Variants in C2orf66 observed in about 807,000 individuals in gnomAD.
C2orf66 encodes the protein uncharacterized protein C2orf66.
Under a neutral mutation model 7.0 loss-of-function variants are expected in C2orf66, and 6 were observed. The observed-to-expected ratio is 0.86, with a 90% confidence interval of 0.47 to 1.69. The LOEUF is 1.69. Ranked by LOEUF, C2orf66 falls within the 40% of genes most tolerant of loss-of-function variation. The pLI is 0.01. For synonymous variants in C2orf66, 38 were observed against 43.8 expected, an observed-to-expected ratio of 0.87 and a Z score of 0.52; for missense variants, 107 against 112.0, an observed-to-expected ratio of 0.96 and a Z score of 0.20.
upstream of C2orf66, among the ~76,000 whole-genome samples, chr2:196,811,672 C>A (rs1003759135): frequency 6.6e-6 from 1 of 151,914 alleles, no homozygotes; most frequent in Non-Finnish European, 1.5e-5. Context: ...GAGATTTCCT[C>A]GTGGGGTTGG....
At chr2:196,819,308 G>A in the C2orf66 span, among the ~76,000 whole-genome samples, 12 of 152,108 alleles carry the variant, frequency 7.9e-5, no homozygotes, top group African/African-American at 2.4e-4. Context: ...GGAGCCTCTC[G>A]GAGGTGATTG....
chr2:196,821,156 C>T, the C2orf66 span, among the ~76,000 whole-genome samples: 1 of 152,172 alleles, frequency 6.6e-6, no homozygotes, highest in African/African-American at 2.4e-5. Context: ...GGAATGCCAG[C>T]AGCCAACAGA....
chr2:196,805,484 C>T (rs577464274), intron 2 of C2orf66, 76 bp from the exon 3 acceptor site: 62 of 152,232 alleles, frequency 4.1e-4, no homozygotes, highest in African/African-American at 1.5e-3. Flanking sequence ...CCCAAATCAA[C>T]ATATTTTACT....
At chr2:196,826,110 A>G in the C2orf66 span, among the ~76,000 whole-genome samples, 3 of 152,108 alleles carry the variant, frequency 2.0e-5, no homozygotes. Context: ...ATAAGCACTG[A>G]CACTTCTACT....
chr2:196,830,130 AC>A, the C2orf66 span, among the ~76,000 whole-genome samples: 2 of 152,260 alleles, frequency 1.3e-5, no homozygotes, highest in South Asian at 4.2e-4. Flanking sequence ...TTCTTTTGGC[AC>A]TTTGTAATGC....
chr2:196,807,693 C>A (rs1275888197), intron 1 of C2orf66, 71 bp from the exon 2 acceptor site: 17 of 1,275,040 alleles, frequency 1.3e-5, no homozygotes, highest in Non-Finnish European at 1.8e-5. Flanking sequence ...TTTTTCTTCC[C>A]TCTATTTTTC....
At chr2:196,810,877 A>G (rs149656691), upstream of C2orf66, among the ~76,000 whole-genome samples, 194 of 152,366 alleles carry the variant, frequency 1.3e-3, no homozygotes, top group Non-Finnish European at 2.3e-3. Context: ...CCCTCATTAA[A>G]ATAGAGTAGT....
chr2:196,809,386 A>G (rs1474486596), upstream of C2orf66: 2 of 1,609,038 alleles, frequency 1.2e-6, no homozygotes, highest in Non-Finnish European at 1.7e-6. Flanking sequence ...GTCAATGATC[A>G]TTGAGAGAGA....
upstream of C2orf66, chr2:196,809,439 C>A: frequency 6.6e-7 from 1 of 1,504,026 alleles, no homozygotes; most frequent in Non-Finnish European, 9.2e-7. Flanking sequence ...TCTGTAAAGG[C>A]AGACAAGGAA....
At chr2:196,813,458 C>G (rs746441614), upstream of C2orf66, among the ~76,000 whole-genome samples, 2 of 152,142 alleles carry the variant, frequency 1.3e-5, no homozygotes, top group African/African-American at 2.4e-5. Flanking sequence ...AACGTAAGAC[C>G]TAAAACTATA....
rs546569656 is a variant in C2orf66 at position 196,805,263 on chromosome 2, A to G, written c.*165T>C. The G allele has an allele frequency of 1.3e-5, 2 of 152,322 alleles. No individual in the cohort carries two copies. The highest frequency in any genetic ancestry group is 3.9e-4 in the East Asian group (2 of 5,194). The allele number at this position is 152,322 out of a possible 1,614,324, so 9.4% of individuals were successfully genotyped here. Reference sequence around the variant, plus strand: ...AGAAATCATAGTTCCAGCGATTTATATGTAAATATGGAAATGTGGAATAAA... The same window carrying G: ...AGAAATCATAGTTCCAGCGATTTATGTGTAAATATGGAAATGTGGAATAAA... On this transcript the variant is annotated 3_prime_UTR_variant, in exon 3 of 3. Coordinates refer to ENST00000342506, the MANE Select transcript of C2orf66 (RefSeq NM_213608.3).
At chr2:196,811,657 G>A (rs1699878396), upstream of C2orf66, among the ~76,000 whole-genome samples, 1 of 152,108 alleles carries the variant, frequency 6.6e-6, no homozygotes, top group Admixed American at 6.6e-5. Context: ...GTTAGAGGAG[G>A]CTTTGAGATT....
chr2:196,815,548 G>T, the C2orf66 span, among the ~76,000 whole-genome samples: 1 of 152,156 alleles, frequency 6.6e-6, no homozygotes, highest in Non-Finnish European at 1.5e-5. Context: ...AGGCAAAAAG[G>T]TGCTTCTGCA....
chr2:196,805,333 A>G lies in C2orf66; in HGVS notation c.*95T>C, dbSNP rs535523851. ...TAAAAGTGAGGGGGAAAGAAACTCCATGAAAGTTTAGCTATGACAATGGTT... is the reference window on the plus strand; with the variant it reads ...TAAAAGTGAGGGGGAAAGAAACTCCGTGAAAGTTTAGCTATGACAATGGTT... On this transcript the variant is annotated 3_prime_UTR_variant, in exon 3 of 3. Transcript: ENST00000342506. The G allele has an allele frequency of 1.3e-5, 2 of 152,316 alleles. No individual in the cohort carries two copies. Among genetic ancestry groups the G allele is most frequent in the East Asian group, 3.9e-4 (2 of 5,192 alleles). The allele number at this position is 152,316 out of a possible 1,614,324, so 9.4% of individuals were successfully genotyped here. A position where few individuals can be genotyped will look rare whatever the true frequency, so the allele number is the denominator to read the frequency against.
the C2orf66 span, among the ~76,000 whole-genome samples, chr2:196,817,171 G>T: frequency 1.3e-3 from 203 of 151,902 alleles, no homozygotes; most frequent in Middle Eastern, 6.9e-3. Flanking sequence ...ACAAAGCAAA[G>T]GGCAAAAGCA....
At chr2:196,822,633 AT>A in the C2orf66 span, among the ~76,000 whole-genome samples, 7 of 150,356 alleles carry the variant, frequency 4.7e-5, no homozygotes, top group African/African-American at 1.2e-4. Flanking sequence ...AGCATATTGC[AT>A]TTTTTTTTCA....
the C2orf66 span, among the ~76,000 whole-genome samples, chr2:196,815,771 A>G: frequency 1.3e-5 from 2 of 152,326 alleles, no homozygotes; most frequent in Non-Finnish European, 2.9e-5. Flanking sequence ...TTTTTAAACC[A>G]TCTATTGGAC....
chr2:196,805,565 C>T (rs983421261), intron 2 of C2orf66, among the ~76,000 whole-genome samples, 157 bp from the exon 3 acceptor site: 7 of 152,052 alleles, frequency 4.6e-5, no homozygotes, highest in Non-Finnish European at 8.8e-5. Context: ...ATGAAATATA[C>T]TCCAAATCAG....
chr2:196,824,773 T>C, the C2orf66 span, among the ~76,000 whole-genome samples: 1 of 152,162 alleles, frequency 6.6e-6, no homozygotes, highest in Non-Finnish European at 1.5e-5. Context: ...TACATAGATA[T>C]AAAGGCAACC....
Sources: gnomAD v4.1 joint callset for allele counts (sites outside exome capture counted in the v4.1 genomes callset) on GRCh38, gnomAD v4.1.1 for gene constraint, MANE v1.5 for transcripts, NCBI Gene and HGNC (gene_info 2026-07-23, HGNC 2026-07-21) for gene names.